Variants in LARGE1 observed in about 807,000 individuals in gnomAD.
LARGE1 encodes the protein xylosyl- and glucuronyltransferase LARGE1.
A neutral mutation model predicts 87.6 loss-of-function variants in LARGE1; 43 were observed. The observed-to-expected ratio is 0.49, with a 90% confidence interval of 0.38 to 0.63. LARGE1 has a LOEUF of 0.63. Among genes scored for constraint, LARGE1 ranks in the 30% least tolerant of loss-of-function variants. LARGE1 has a pLI of 0.00. For missense variants in LARGE1, 802 were observed against 1,000.2 expected (o/e 0.80, Z 2.67); for synonymous variants, 434 against 394.6 (o/e 1.10, Z -1.18).
intron 11 of LARGE1, among the ~76,000 whole-genome samples, chr22:33,242,278 T>C (rs1926558988): frequency 1.3e-5 from 2 of 152,150 alleles, no homozygotes; most frequent in African/African-American, 4.8e-5. Flanking sequence ...AGAGAGGTGA[T>C]TCATTCTGCT....
At chr22:33,409,173 C>G (rs1201015344) in intron 7 of LARGE1, among the ~76,000 whole-genome samples, 1 of 152,238 alleles carries the variant, frequency 6.6e-6, no homozygotes, top group Non-Finnish European at 1.5e-5. Context: ...ATCTGATCTG[C>G]TGTGGTGAAA....
intron 5 of LARGE1, among the ~76,000 whole-genome samples, chr22:33,581,031 G>T (rs1211984228): frequency 1.3e-5 from 2 of 152,192 alleles, no homozygotes. Context: ...GAATGCATGT[G>T]CAGCATTTTC....
rs536350301 is a variant in LARGE1 at position 33,385,849 on chromosome 22, T to C, written c.893-1545A>G. ...GGTCAGTGGGGAAGACTCAAGGCAG[T>C]TGAAAAATGATCTTAGTTGAAACCT... On this transcript the variant is annotated intron_variant, in intron 7 of 14. Coordinates refer to ENST00000397394, the MANE Select transcript of LARGE1 (RefSeq NM_133642.5). Among the ~76,000 whole-genome samples the C allele has an allele frequency of 2.7e-5, 4 of 148,522 alleles. 1 individual carries two copies. The highest frequency in any genetic ancestry group is 1.9e-4 in the East Asian group (1 of 5,174).
At chr22:33,084,684 T>C in the LARGE1 span, among the ~76,000 whole-genome samples, 12 of 152,090 alleles carry the variant, frequency 7.9e-5, no homozygotes, top group African/African-American at 2.9e-4. Context: ...AACAGAAATA[T>C]AATGTAAGCC....
chr22:33,174,101 C>G (rs569841822), intron 11 of LARGE1, among the ~76,000 whole-genome samples: 31 of 152,252 alleles, frequency 2.0e-4, no homozygotes, highest in Non-Finnish European at 3.5e-4. Flanking sequence ...GTAAAATACT[C>G]CTTAGCAAAT....
chr22:33,492,904 C>T (rs915148321), intron 6 of LARGE1, among the ~76,000 whole-genome samples: 1 of 152,046 alleles, frequency 6.6e-6, no homozygotes, highest in Non-Finnish European at 1.5e-5. Context: ...GAAATGCGGG[C>T]GGCGGGTGGG....
At chr22:33,272,406 G>A (rs1454692456), downstream of LARGE1, among the ~76,000 whole-genome samples, 1 of 152,196 alleles carries the variant, frequency 6.6e-6, no homozygotes, top group African/African-American at 2.4e-5. Flanking sequence ...TGGGGACAGA[G>A]GAATCACTGA....
intron 3 of LARGE1, among the ~76,000 whole-genome samples, chr22:33,628,477 C>G (rs1220869089): frequency 6.6e-6 from 1 of 151,970 alleles, no homozygotes; most frequent in South Asian, 2.1e-4. Context: ...CTACTACGTC[C>G]AGGTAATTTT....
chr22:33,350,694 C>T lies in LARGE1; in HGVS notation c.1132-12893G>A, dbSNP rs532690251. 1.4e-4 allele frequency among the ~76,000 whole-genome samples: 22 copies of T among 152,290 alleles called. No homozygotes were observed. The South Asian group carries it at 4.6e-3, about 32-fold the overall frequency. ...GGCAGCTGTGCTTCCTGGTTCCCAG[C>T]AGGCACCTTCCGTGAGGCCCACTAT... On this transcript the variant is annotated intron_variant, in intron 9 of 14. Coordinates refer to ENST00000397394, the MANE Select transcript of LARGE1 (RefSeq NM_133642.5).
At chr22:33,837,963 C>T (rs1318214291) in intron 1 of LARGE1, among the ~76,000 whole-genome samples, 2 of 152,224 alleles carry the variant, frequency 1.3e-5, no homozygotes, top group African/African-American at 4.8e-5. Context: ...GTAAGCTCTG[C>T]ATGCCATACT....
intron 6 of LARGE1, among the ~76,000 whole-genome samples, chr22:33,555,852 C>T (rs1054909520): frequency 3.3e-5 from 5 of 151,462 alleles, no homozygotes; most frequent in African/African-American, 1.2e-4. Context: ...ACTGCCTGAG[C>T]CCGGGAGGTG....
the LARGE1 span, among the ~76,000 whole-genome samples, chr22:33,077,267 A>T: frequency 6.6e-6 from 1 of 152,204 alleles, no homozygotes; most frequent in Admixed American, 6.5e-5. Context: ...AATTACTTAC[A>T]ATAGTACATG....
chr22:33,919,373 A>C (rs528303595), intron 1 of LARGE1, among the ~76,000 whole-genome samples: 4 of 152,298 alleles, frequency 2.6e-5, no homozygotes, highest in Non-Finnish European at 5.9e-5. Context: ...AAAACTTCAA[A>C]AGCAGTGACA....
At chr22:33,511,029 T>A (rs1286248219) in intron 6 of LARGE1, among the ~76,000 whole-genome samples, 1 of 152,172 alleles carries the variant, frequency 6.6e-6, no homozygotes, top group Non-Finnish European at 1.5e-5. Context: ...CAGTTCTGTA[T>A]TGTCGGGCAA....
intron 6 of LARGE1, among the ~76,000 whole-genome samples, chr22:33,483,438 G>A (rs557425600): frequency 7.2e-5 from 11 of 152,290 alleles, no homozygotes; most frequent in African/African-American, 2.6e-4. Context: ...TGCAAAATTA[G>A]CTATTGAGTT....
chr22:33,652,359 T>TA (rs143972711), intron 2 of LARGE1, among the ~76,000 whole-genome samples: 66 of 150,062 alleles, frequency 4.4e-4, no homozygotes, highest in South Asian at 1.1e-3. Flanking sequence ...GAGCTAACAT[T>TA]AAAAAAAAAC....
chr22:33,136,598 T>A, the LARGE1 span, among the ~76,000 whole-genome samples: 4 of 151,946 alleles, frequency 2.6e-5, no homozygotes, highest in African/African-American at 7.3e-5. Flanking sequence ...TTGATAGTGT[T>A]GAATTGACAC....
At chr22:33,790,080 T>G (rs868256301) in intron 1 of LARGE1, among the ~76,000 whole-genome samples, 1 of 152,124 alleles carries the variant, frequency 6.6e-6, no homozygotes, top group Non-Finnish European at 1.5e-5. Flanking sequence ...TCCCCACACA[T>G]CAAGGGCGGC....
intron 1 of LARGE1, chr22:33,889,203 A>G (rs2064940342): frequency 6.6e-6 from 1 of 152,056 alleles, no homozygotes; most frequent in South Asian, 2.1e-4. Context: ...AAGCCCCCTC[A>G]TTCAACAGAA....
Sources: allele counts gnomAD v4.1 joint callset (sites outside exome capture counted in the v4.1 genomes callset), GRCh38; gene constraint gnomAD v4.1.1; transcripts MANE v1.5; gene names NCBI Gene and HGNC (gene_info 2026-07-23, HGNC 2026-07-21).